The following ABI3BP variants were observed in gnomAD, a reference collection of about 807,000 sequenced individuals.
ABI3BP encodes the protein ABI family member 3 binding protein.
Under a neutral mutation model 268.6 loss-of-function variants are expected in ABI3BP, and 216 were observed. That is an observed-to-expected ratio of 0.80 (90% CI 0.72 to 0.90). ABI3BP has a LOEUF of 0.90. ABI3BP is among the 40% of genes least tolerant of loss of function. The pLI, the probability that ABI3BP is intolerant of heterozygous loss-of-function variation, is 0.00. For missense variants in ABI3BP, 2,090 were observed against 2,182.4 expected, an observed-to-expected ratio of 0.96 and a Z score of 0.84; for synonymous variants, 730 against 730.0, an observed-to-expected ratio of 1.00 and a Z score of 0.00.
intron 20 of ABI3BP, among the ~76,000 whole-genome samples, chr3:100,845,448 T>G (rs1342378489): frequency 1.3e-5 from 2 of 152,194 alleles, no homozygotes; most frequent in Non-Finnish European, 2.9e-5. Flanking sequence ...CAGGGAGTAA[T>G]GAGAATTTTT....
intron 56 of ABI3BP, among the ~76,000 whole-genome samples, chr3:100,789,109 T>C (rs1195862720): frequency 1.3e-5 from 2 of 152,150 alleles, no homozygotes; most frequent in African/African-American, 2.4e-5. Flanking sequence ...CCCTCTTTTC[T>C]TCAGAGAGAA....
At chr3:100,789,624 A>G (rs2097145371) in intron 55 of ABI3BP, 108 bp from the exon 56 acceptor site, 3 of 1,066,610 alleles carry the variant, frequency 2.8e-6, no homozygotes, top group Non-Finnish European at 4.0e-6. Context: ...ATGGACGTAT[A>G]AAGAAGGTTC....
At chr3:100,978,104 T>C (rs1370803180) in intron 1 of ABI3BP, among the ~76,000 whole-genome samples, 1 of 152,188 alleles carries the variant, frequency 6.6e-6, no homozygotes, top group African/African-American at 2.4e-5. Context: ...CTAGTCTACA[T>C]GCAGCTTCAA....
At chr3:100,850,514 T>C (rs1171849673) in intron 16 of ABI3BP, 146 bp downstream of exon 16, 4 of 619,842 alleles carry the variant, frequency 6.5e-6, no homozygotes, top group Non-Finnish European at 1.1e-5. Context: ...TGACTGCATT[T>C]AAAATATATA....
chr3:100,771,085 G>T (rs2096532104), intron 61 of ABI3BP, 133 bp from the exon 62 acceptor site: 2 of 765,078 alleles, frequency 2.6e-6, no homozygotes. Flanking sequence ...TGATGTGGAT[G>T]GTTCAAACTA....
chr3:100,904,846 A>T (rs947726123), intron 2 of ABI3BP, among the ~76,000 whole-genome samples: 3 of 152,240 alleles, frequency 2.0e-5, no homozygotes, highest in African/African-American at 4.8e-5. Context: ...TATGGAAGTC[A>T]GTCTGGTGAT....
intron 7 of ABI3BP, 106 bp from the exon 8 acceptor site, chr3:100,875,685 T>C (rs1320801807): frequency 1.3e-6 from 1 of 795,010 alleles, no homozygotes; most frequent in African/African-American, 1.7e-5. Flanking sequence ...CTAACTTTAT[T>C]AATTAATACA....
chr3:100,857,146 A>G (rs2098949516), intron 14 of ABI3BP, among the ~76,000 whole-genome samples: 1 of 144,468 alleles, frequency 6.9e-6, no homozygotes, highest in South Asian at 2.2e-4. Context: ...ATGATTGTAT[A>G]CATATAAAAT....
intron 14 of ABI3BP, among the ~76,000 whole-genome samples, chr3:100,861,492 C>T (rs192245191): frequency 9.9e-5 from 15 of 152,176 alleles, no homozygotes; most frequent in African/African-American, 3.1e-4. Flanking sequence ...AATTAAAATA[C>T]AAATAAGCAA....
At chr3:100,975,119 T>C (rs897268486) in intron 1 of ABI3BP, among the ~76,000 whole-genome samples, 15 of 152,196 alleles carry the variant, frequency 9.9e-5, no homozygotes, top group Admixed American at 2.6e-4. Flanking sequence ...TAATTCCATA[T>C]GTTAGTAATA....
At chr3:100,937,381 A>G (rs749725537) in intron 1 of ABI3BP, among the ~76,000 whole-genome samples, 1 of 152,074 alleles carries the variant, frequency 6.6e-6, no homozygotes, top group Non-Finnish European at 1.5e-5. Context: ...GCAAATATTT[A>G]AAGCAGTGCC....
At chr3:100,875,649 G>A in intron 7 of ABI3BP, 70 bp from the exon 8 acceptor site, 2 of 1,100,960 alleles carry the variant, frequency 1.8e-6, no homozygotes, top group South Asian at 1.3e-5. Flanking sequence ...ATAATGTGAA[G>A]CCATCTGCAC....
At chr3:100,759,589 T>G (rs1281165971) in intron 63 of ABI3BP, among the ~76,000 whole-genome samples, 1 of 152,196 alleles carries the variant, frequency 6.6e-6, no homozygotes, top group African/African-American at 2.4e-5. Context: ...TGGGCTGTAC[T>G]CTAATTCTGT....
In ABI3BP at chr3:100,778,271, A is replaced by C; in HGVS notation, c.4333+13T>G. On this transcript the variant is annotated intron_variant, in intron 59 of 67. Transcript: ENST00000471714. Reference sequence around the variant, plus strand: ...AATCATGGCGGGAAAAGGAAGGTACATGACTAACGTACCTGCACTTCCTGG... The same window carrying C: ...AATCATGGCGGGAAAAGGAAGGTACCTGACTAACGTACCTGCACTTCCTGG... 1 of 1,611,556 alleles carries C rather than the reference A, an allele frequency of 6.2e-7. No individual in the cohort carries two copies. Among genetic ancestry groups the C allele is most frequent in the South Asian group, 1.1e-5 (1 of 90,796 alleles).
chr3:100,932,089 A>G (rs1289157155), intron 1 of ABI3BP, among the ~76,000 whole-genome samples: 2 of 152,098 alleles, frequency 1.3e-5, no homozygotes. Flanking sequence ...AAAGCCGAAA[A>G]AAAACAAGCA....
intron 53 of ABI3BP, among the ~76,000 whole-genome samples, chr3:100,795,310 G>A (rs73152406): frequency 0.14 from 21,442 of 151,894 alleles, 1,909 homozygotes; most frequent in South Asian, 0.27. Flanking sequence ...TCTCTCCCCC[G>A]TTCAAGAGAG....
In ABI3BP at chr3:100,840,128, C is replaced by T. The variant is rs554750665; in HGVS notation, c.1841G>A (p.Arg614His). 19 of 1,150,538 alleles carry T rather than the reference C, an allele frequency of 1.7e-5. No homozygotes were observed. The highest frequency in any genetic ancestry group is 3.8e-5 in the Admixed American group (1 of 26,428). The allele number at this position is 1,150,538 out of a possible 1,614,324, so 71.3% of individuals were successfully genotyped here. The change falls in exon 23 of 68, where the codon CGC becomes CAC. Residue 614 changes from arginine (R) to histidine (H), a missense_variant. Physicochemically the swap from Arg to His is conservative, Grantham distance 29. Coordinates refer to ENST00000471714, the MANE Select transcript of ABI3BP (RefSeq NM_001375547.2). ...TGTGGTTTTAGGGCGGGGACGGGGG[C>T]GGGGGCGACGACCTGGTCTTTTGGT... ...RKTKRPGRRP[R>H]PRPRPKTTPS...
chr3:100,923,697 C>T lies in ABI3BP; in HGVS notation c.259+2605G>A, dbSNP rs143242931. On this transcript the variant is annotated intron_variant, in intron 2 of 67. Transcript: ENST00000471714. ...TAACTTTTGTACCAACCTAATAAAACCAATATATATGGAAAATTAAAAAGC... is the reference window on the plus strand; with the variant it reads ...TAACTTTTGTACCAACCTAATAAAATCAATATATATGGAAAATTAAAAAGC... Among the ~76,000 whole-genome samples the T allele has an allele frequency of 1.4e-3, 215 of 152,012 alleles. 2 individuals carry two copies. The highest frequency in any genetic ancestry group is 6.8e-3 in the Middle Eastern group (2 of 294).
chr3:100,832,848 A>T (rs975621374), intron 30 of ABI3BP, among the ~76,000 whole-genome samples: 1 of 152,164 alleles, frequency 6.6e-6, no homozygotes, highest in Non-Finnish European at 1.5e-5. Context: ...TTGGTGCTCT[A>T]AATAAGGAAT....
Sources: allele counts gnomAD v4.1 joint callset (sites outside exome capture counted in the v4.1 genomes callset), GRCh38; gene constraint gnomAD v4.1.1; transcripts MANE v1.5; gene names NCBI Gene and HGNC (gene_info 2026-07-23, HGNC 2026-07-21).